SORT1: variants seen among roughly 807,000 people sequenced by gnomAD.
The protein encoded by SORT1 is sortilin.
In SORT1, 39 loss-of-function variants were observed where a neutral mutation model predicts 101.7. The observed-to-expected ratio is 0.38, with a 90% CI of 0.30 to 0.50. The LOEUF (loss-of-function observed/expected upper bound fraction) is 0.50. Among genes scored for constraint, SORT1 ranks in the 20% least tolerant of loss-of-function variants. SORT1 has a pLI of 0.90. For synonymous variants in SORT1, 396 were observed against 393.7 expected, an observed-to-expected ratio of 1.01 and a Z score of -0.07; for missense variants, 878 against 1,040.4, an observed-to-expected ratio of 0.84 and a Z score of 2.15.
intron 11 of SORT1, among the ~76,000 whole-genome samples, chr1:109,330,033 A>G (rs1023431114): frequency 3.3e-5 from 5 of 151,868 alleles, no homozygotes; most frequent in Admixed American, 1.3e-4. Flanking sequence ...ACGGAGTCTC[A>G]CTCTGTCACC....
chr1:109,362,087 A>G (rs916992288), intron 3 of SORT1, among the ~76,000 whole-genome samples: 3 of 152,186 alleles, frequency 2.0e-5, no homozygotes, highest in Non-Finnish European at 4.4e-5. Flanking sequence ...AGGAAATACG[A>G]GTATATGAGA....
Position 109,367,401 on chromosome 1 carries a change from A to T in SORT1, c.440+7T>A. The T allele has an allele frequency of 6.5e-7, 1 of 1,542,678 alleles. No individual in the cohort carries two copies. Among genetic ancestry groups the T allele is most frequent in the Non-Finnish European group, 8.9e-7 (1 of 1,119,272 alleles). On this transcript the variant is annotated splice_region_variant and intron_variant, in intron 3 of 19. Transcript: ENST00000256637. ...TGAAATGCTCCAACGCGTGTTATTG[A>T]TCTCACCTTCGATATAGCTTGGACT...
intron 1 of SORT1, among the ~76,000 whole-genome samples, chr1:109,382,981 T>C (rs937995259): frequency 3.9e-5 from 6 of 152,174 alleles, no homozygotes; most frequent in African/African-American, 7.2e-5. Flanking sequence ...AGATTCTTCA[T>C]GGAAACAACC....
chr1:109,316,555 T>C (rs1303732114), intron 17 of SORT1, among the ~76,000 whole-genome samples: 2 of 152,170 alleles, frequency 1.3e-5, no homozygotes, highest in Non-Finnish European at 2.9e-5. Context: ...TTTGTTTTCC[T>C]AAATGACTCT....
chr1:109,362,106 G>C (rs1405437199), intron 3 of SORT1, among the ~76,000 whole-genome samples: 1 of 152,130 alleles, frequency 6.6e-6, no homozygotes, highest in Non-Finnish European at 1.5e-5. Flanking sequence ...GACAAGCCTT[G>C]TTTGGGCAAG....
intron 1 of SORT1, 60 bp downstream of exon 1, chr1:109,397,527 G>T: frequency 9.5e-7 from 1 of 1,056,736 alleles, no homozygotes; most frequent in Non-Finnish European, 1.2e-6. Context: ...GCACGGGCCG[G>T]GAGGGGCACG....
intron 13 of SORT1, 101 bp downstream of exon 13, chr1:109,326,891 A>C (rs1461670954): frequency 4.4e-6 from 4 of 908,678 alleles, no homozygotes; most frequent in Non-Finnish European, 6.3e-6. Flanking sequence ...TCAAATGCAA[A>C]AATTTGAATT....
intron 15 of SORT1, among the ~76,000 whole-genome samples, chr1:109,319,964 C>G (rs1647512717): frequency 6.6e-6 from 1 of 152,138 alleles, no homozygotes; most frequent in Admixed American, 6.5e-5. Context: ...GGTCTCATTC[C>G]CCCAGACCAC....
intron 14 of SORT1, among the ~76,000 whole-genome samples, chr1:109,324,172 A>G (rs1647829620): frequency 1.3e-5 from 2 of 151,638 alleles, no homozygotes; most frequent in South Asian, 2.1e-4. Flanking sequence ...CTTGTCGCCC[A>G]GGCTGGAGTG....
In SORT1 at chr1:109,314,165, G is replaced by GC. The variant is rs891519034; in HGVS notation, c.2481+95dup. The GC allele has an allele frequency of 5.1e-6, 8 of 1,580,682 alleles. No individual in the cohort carries two copies. The African/African-American group carries it at 9.5e-5, about 19-fold the overall frequency. ...ATCTTATGGTCATTAAGTCGCCTTG[G>GC]CCCTGGCATATCTTGATCATGAATA... is the stretch of plus-strand genomic sequence containing the variant. On this transcript the variant is annotated intron_variant, in intron 19 of 19. Transcript: ENST00000256637.
intron 10 of SORT1, among the ~76,000 whole-genome samples, chr1:109,337,337 C>T (rs1648900775): frequency 1.3e-5 from 2 of 152,018 alleles, no homozygotes; most frequent in South Asian, 4.2e-4. Flanking sequence ...ACCTCTGCCT[C>T]CTGGGTTCAA....
At chr1:109,331,324 CAATA>C (rs933143397) in intron 11 of SORT1, among the ~76,000 whole-genome samples, 1 of 152,112 alleles carries the variant, frequency 6.6e-6, no homozygotes, top group Non-Finnish European at 1.5e-5. Flanking sequence ...ATATGCAAAT[CAATA>C]AATGAGATAT....
intron 6 of SORT1, 39 bp downstream of exon 6, chr1:109,350,890 G>A: frequency 7.3e-7 from 1 of 1,367,430 alleles, no homozygotes; most frequent in Non-Finnish European, 1.0e-6. Context: ...ATCAGGAAGG[G>A]TTTAGGGCTC....
intron 1 of SORT1, among the ~76,000 whole-genome samples, chr1:109,387,130 A>G (rs1652618738): frequency 6.6e-6 from 1 of 151,712 alleles, no homozygotes; most frequent in African/African-American, 2.4e-5. Context: ...ATCTCTACTA[A>G]AAATACAAAA....
intron 6 of SORT1, among the ~76,000 whole-genome samples, chr1:109,349,121 C>T (rs1287129193): frequency 2.0e-5 from 3 of 151,932 alleles, no homozygotes; most frequent in East Asian, 1.9e-4. Context: ...CTGAGGTGGG[C>T]GGATCAGGAG....
At chr1:109,357,149 A>G (rs1650378255) in intron 3 of SORT1, among the ~76,000 whole-genome samples, 1 of 152,232 alleles carries the variant, frequency 6.6e-6, no homozygotes, top group Non-Finnish European at 1.5e-5. Context: ...AGTATTCAGT[A>G]CAGTAACATG....
rs77636355 is a variant in SORT1, at chr1:109,371,001, A to C, written c.307-1412T>G. On this transcript the variant is annotated intron_variant, in intron 1 of 19. Coordinates refer to ENST00000256637, the MANE Select transcript of SORT1 (RefSeq NM_002959.7). ...TGTTTATCTTCGAATTTTCTCTTGC[A>C]GTCTTGAATGGGCTTCCGAATTCAC... 2.4e-4 allele frequency among the ~76,000 whole-genome samples: 37 copies of C among 152,346 alleles called. No homozygotes were observed. In the East Asian group the frequency reaches 7.1e-3, roughly 29 times the overall value.
intron 1 of SORT1, among the ~76,000 whole-genome samples, chr1:109,373,309 A>G (rs903726632): frequency 1.3e-5 from 2 of 152,110 alleles, no homozygotes; most frequent in African/African-American, 4.8e-5. Flanking sequence ...GGGGAGGCCA[A>G]AGAGGTTCAC....
At chr1:109,393,964 C>T (rs1293897369) in intron 1 of SORT1, among the ~76,000 whole-genome samples, 1 of 152,046 alleles carries the variant, frequency 6.6e-6, no homozygotes, top group Non-Finnish European at 1.5e-5. Flanking sequence ...AAATTAAGTG[C>T]TCTTATCTTC....
Sources: gnomAD v4.1 joint callset for allele counts (sites outside exome capture counted in the v4.1 genomes callset) on GRCh38, gnomAD v4.1.1 for gene constraint, MANE v1.5 for transcripts, NCBI Gene and HGNC (gene_info 2026-07-23, HGNC 2026-07-21) for gene names.